CHD1L: variants seen among roughly 807,000 people sequenced by gnomAD.
CHD1L encodes chromodomain helicase DNA binding protein 1 like.
CHD1L carries 118 observed loss-of-function variants against 115.9 expected under a neutral mutation model. The ratio of observed to expected loss-of-function variants is 1.02; its 90% CI spans 0.88 to 1.19. The LOEUF is 1.19. CHD1L is among the 50% of genes most tolerant of loss of function. CHD1L has a pLI of 0.00. For missense variants in CHD1L, 1,179 were observed against 1,065.3 expected, an observed-to-expected ratio of 1.11 and a Z score of -1.49; for synonymous variants, 411 against 387.1, an observed-to-expected ratio of 1.06 and a Z score of -0.72.
chr1:147,220,208 C>G, the CHD1L span, among the ~76,000 whole-genome samples: 1 of 151,914 alleles, frequency 6.6e-6, no homozygotes, highest in South Asian at 2.1e-4. Context: ...ATAGTAATAC[C>G]CCTGAAATTA....
the CHD1L span, among the ~76,000 whole-genome samples, chr1:147,207,381 G>A: frequency 6.6e-6 from 1 of 152,064 alleles, no homozygotes; most frequent in Non-Finnish European, 1.5e-5. Context: ...CTGTAGATCT[G>A]AACATTTTCA....
the CHD1L span, chr1:147,201,275 T>C: frequency 6.8e-6 from 11 of 1,614,200 alleles, no homozygotes; most frequent in Non-Finnish European, 9.3e-6. Flanking sequence ...AAGACCTTTT[T>C]ATACAGGGAT....
the CHD1L span, chr1:147,184,660 CAG>C: frequency 1.3e-6 from 2 of 1,489,616 alleles, no homozygotes; most frequent in Non-Finnish European, 1.8e-6. The surrounding 1 kb of genome is among the most constrained non-coding windows in gnomAD (Gnocchi z 4.4). Context: ...AGGAATACAA[CAG>C]AGAGGTAAAG....
At chr1:147,253,695 A>C (rs1553937965) in intron 2 of CHD1L, among the ~76,000 whole-genome samples, 9 of 152,200 alleles carry the variant, frequency 5.9e-5, no homozygotes, top group Non-Finnish European at 1.3e-4. Context: ...ATGAGGTCTC[A>C]CTATGTTGCC....
the CHD1L span, among the ~76,000 whole-genome samples, chr1:147,233,256 C>T: frequency 3.3e-5 from 5 of 151,132 alleles, no homozygotes; most frequent in African/African-American, 9.7e-5. Flanking sequence ...GGAGCCCCTC[C>T]GCCCGGCAGC....
the CHD1L span, chr1:147,204,083 G>T: frequency 7.2e-6 from 8 of 1,109,204 alleles, no homozygotes; most frequent in Middle Eastern, 2.0e-4. Flanking sequence ...ACCAGTATCA[G>T]CAATAGCTTT....
At chr1:147,252,877 G>A (rs991914546) in intron 2 of CHD1L, 142 bp downstream of exon 2, 18 of 659,198 alleles carry the variant, frequency 2.7e-5, no homozygotes, top group Non-Finnish European at 3.7e-5. Flanking sequence ...CTCTTGCACC[G>A]GGAAAGGGCC....
At chr1:147,216,063 C>T in the CHD1L span, 64 of 669,672 alleles carry the variant, frequency 9.6e-5, no homozygotes, top group African/African-American at 1.0e-3. Flanking sequence ...ACACACCTTC[C>T]AGTATTTGTG....
At chr1:147,293,311 T>TC (rs1491473826) in intron 20 of CHD1L, among the ~76,000 whole-genome samples, 10 of 22,406 alleles carry the variant, frequency 4.5e-4, no homozygotes, top group South Asian at 2.5e-3. Context: ...AAAAATTCTC[T>TC]TTTTTTTTTT....
chr1:147,228,671 G>A, the CHD1L span, among the ~76,000 whole-genome samples: 10 of 152,152 alleles, frequency 6.6e-5, no homozygotes, highest in Admixed American at 4.6e-4. Context: ...TCCAGCACCT[G>A]TTGTTTCCTG....
At chr1:147,245,318 A>T (rs782453582) in intron 1 of CHD1L, among the ~76,000 whole-genome samples, 7 of 152,202 alleles carry the variant, frequency 4.6e-5, no homozygotes, top group Non-Finnish European at 8.8e-5. Context: ...TCCGCTTCCC[A>T]CTTAGCTACT....
At chr1:147,286,620 AGT>A (rs1442544049) in intron 18 of CHD1L, 120 bp downstream of exon 18, 9 of 865,396 alleles carry the variant, frequency 1.0e-5, no homozygotes, top group Non-Finnish European at 1.6e-5. Flanking sequence ...CAGTCAAAAA[AGT>A]GTGAATTTTA....
At chr1:147,248,071 GCTTGGACAT>G (rs1667176427) in intron 1 of CHD1L, among the ~76,000 whole-genome samples, 1 of 152,120 alleles carries the variant, frequency 6.6e-6, no homozygotes, top group African/African-American at 2.4e-5. Context: ...CAGGATCAGG[GCTTGGACAT>G]CTTTGTGAGG....
At chr1:147,193,495 A>T in the CHD1L span, among the ~76,000 whole-genome samples, 1 of 151,732 alleles carries the variant, frequency 6.6e-6, no homozygotes. Flanking sequence ...GTTTTTTGTG[A>T]CTTAATTTCC....
the CHD1L span, among the ~76,000 whole-genome samples, chr1:147,216,200 C>T: frequency 1.3e-5 from 2 of 152,130 alleles, no homozygotes; most frequent in African/African-American, 2.4e-5. Flanking sequence ...GCGGATTCTG[C>T]CTGGGTCTCA....
chr1:147,255,988 C>G, intron 4 of CHD1L, 61 bp downstream of exon 4: 1 of 1,140,968 alleles, frequency 8.8e-7, no homozygotes, highest in Non-Finnish European at 1.3e-6. Context: ...GTTGTAGAGT[C>G]TGCTGAAATT....
the CHD1L span, chr1:147,174,603 T>C: frequency 6.6e-6 from 1 of 152,358 alleles, no homozygotes; most frequent in African/African-American, 2.4e-5. Flanking sequence ...ACTCAACAGT[T>C]AATAATAAAA....
At chr1:147,196,353 G>C in the CHD1L span, among the ~76,000 whole-genome samples, 1 of 151,922 alleles carries the variant, frequency 6.6e-6, no homozygotes, top group African/African-American at 2.4e-5. Flanking sequence ...GGTCTCTTCG[G>C]ATACTCAAAA....
At chr1:147,263,638 CA>C (rs781839881) in intron 6 of CHD1L, among the ~76,000 whole-genome samples, 4 of 151,822 alleles carry the variant, frequency 2.6e-5, no homozygotes, top group African/African-American at 9.7e-5. Context: ...AATTTAAGGA[CA>C]TTTTTTTTCC....
Sources: allele counts gnomAD v4.1 joint callset (sites outside exome capture counted in the v4.1 genomes callset), GRCh38; gene constraint gnomAD v4.1.1; non-coding constraint Gnocchi (gnomAD v3.1); transcripts MANE v1.5; gene names NCBI Gene and HGNC (gene_info 2026-07-23, HGNC 2026-07-21).